BCL2L12: variants seen among roughly 807,000 people sequenced by gnomAD.
The protein encoded by BCL2L12 is BCL2 like 12.
Under a neutral mutation model 25.7 loss-of-function variants are expected in BCL2L12, and 27 were observed. The ratio of observed to expected loss-of-function variants is 1.05; its 90% CI spans 0.78 to 1.45. The LOEUF is 1.45. Among genes scored for constraint, BCL2L12 ranks in the 40% most tolerant of loss-of-function variants. The probability of loss-of-function intolerance (pLI) is 0.00; values close to 1 mark genes in which losing one functional copy is unlikely to be tolerated. For synonymous variants in BCL2L12, 132 were observed against 145.6 expected, an observed-to-expected ratio of 0.91 and a Z score of 0.67; for missense variants, 302 against 329.8, an observed-to-expected ratio of 0.92 and a Z score of 0.65.
upstream of BCL2L12, chr19:49,665,674 C>G (rs1221975449): frequency 3.6e-6 from 4 of 1,102,712 alleles, no homozygotes; most frequent in Admixed American, 2.6e-5. Flanking sequence ...GAACCCACCC[C>G]TGTCTTGGAG....
chr19:49,666,014 A>T lies in BCL2L12; in HGVS notation c.-62A>T, dbSNP rs1177111391. On this transcript the variant is annotated 5_prime_UTR_variant, in exon 1 of 7. Coordinates refer to ENST00000246784, the MANE Select transcript of BCL2L12 (RefSeq NM_138639.2). ...GAACTAATAAAGTTTGTACGAGTTC[A>T]GTGGAGGAGACCGCAAGTTGAGTGG... The T allele has an allele frequency of 2.5e-6, 4 of 1,583,818 alleles. No individual in the cohort carries two copies. Among genetic ancestry groups the T allele is most frequent in the Non-Finnish European group, 3.4e-6 (4 of 1,163,156 alleles).
Position 49,670,379 on chromosome 19 carries a change from T to A in BCL2L12, c.593T>A (p.Leu198Gln), listed in dbSNP as rs770672636. The A allele has an allele frequency of 6.3e-7, 1 of 1,577,234 alleles. No homozygotes were observed. The highest frequency in any genetic ancestry group is 1.1e-5 in the South Asian group (1 of 87,200). Residue 198 changes from leucine (L) to glutamine (Q), a missense_variant, in exon 6 of 7, where the codon CTA becomes CAA. By Grantham distance (113) the Leu-to-Gln change is moderately radical. Transcript: ENST00000246784. ...CCGGAGCCCCTGGCCCGCCTGGCCC[T>A]AGCCATGGAGCTGAGCCGGCGCGTG... ...PSPEPLARLA[L>Q]AMELSRRVAG...
At chr19:49,666,654 G>A (rs2081781961) in intron 1 of BCL2L12, 31 bp from the exon 2 acceptor site, 1 of 1,509,190 alleles carries the variant, frequency 6.6e-7, no homozygotes, top group East Asian at 2.5e-5. Context: ...CTAAACCCTT[G>A]GAGTCCAGTC....
intron 3 of BCL2L12, among the ~76,000 whole-genome samples, chr19:49,667,842 G>A (rs1487655078): frequency 6.6e-6 from 1 of 151,550 alleles, no homozygotes. Flanking sequence ...GTGCAGGGGT[G>A]CAATCTCGAC....
intron 3 of BCL2L12, among the ~76,000 whole-genome samples, chr19:49,668,129 C>T (rs1349252752): frequency 4.8e-5 from 7 of 147,068 alleles, no homozygotes; most frequent in African/African-American, 1.8e-4. Flanking sequence ...GAGTTTCGCC[C>T]TTGTTGCCCA....
upstream of BCL2L12, chr19:49,665,789 C>T (rs1248444332): frequency 3.2e-6 from 5 of 1,563,372 alleles, no homozygotes; most frequent in Non-Finnish European, 4.3e-6. Context: ...ATAAAACCAA[C>T]TTTATCATTC....
At chr19:49,665,763 T>C (rs2304204), upstream of BCL2L12, 426,582 of 1,539,912 alleles carry the variant, frequency 0.28, 66,402 homozygotes, top group African/African-American at 0.67. Context: ...GCTTTCTTTT[T>C]GATCGACTTC....
At chr19:49,666,214 C>T (rs1027693310) in intron 1 of BCL2L12, 147 bp downstream of exon 1, 4 of 1,172,104 alleles carry the variant, frequency 3.4e-6, no homozygotes, top group Non-Finnish European at 4.7e-6. Flanking sequence ...TGGAACTACA[C>T]CTCACAGCAG....
Position 49,673,891 on chromosome 19 carries a change from T to A in BCL2L12, c.*143T>A, listed in dbSNP as rs2082009669. 2.3e-6 allele frequency: 2 copies of A among 886,998 alleles called. No homozygotes were observed. The highest frequency in any genetic ancestry group is 5.3e-5 in the East Asian group (2 of 37,464). The allele number at this position is 886,998 out of a possible 1,614,324, so 54.9% of individuals were successfully genotyped here. A position where few individuals can be genotyped will look rare whatever the true frequency, so the allele number is the denominator to read the frequency against. ...TGCCAAAAATAAATTGTTTAAAACT[T>A]TTCTTATTAAAAACGTTACAAAGTA... On this transcript the variant is annotated 3_prime_UTR_variant, in exon 7 of 7. Transcript: ENST00000246784.
intron 6 of BCL2L12, 91 bp from the exon 7 acceptor site, chr19:49,673,607 C>T: frequency 9.0e-7 from 1 of 1,107,698 alleles, no homozygotes; most frequent in South Asian, 1.2e-5. Flanking sequence ...CCTCGCCTTC[C>T]CGTCTCTAAT....
At chr19:49,670,530 A>G (rs1474112276) in intron 6 of BCL2L12, 42 bp downstream of exon 6, 1 of 1,525,830 alleles carries the variant, frequency 6.6e-7, no homozygotes, top group Non-Finnish European at 8.8e-7. Flanking sequence ...CACTTTACCT[A>G]ACTGTCATGT....
chr19:49,670,579 A>C (rs1230259157), intron 6 of BCL2L12, 91 bp downstream of exon 6: 9 of 1,467,360 alleles, frequency 6.1e-6, no homozygotes, highest in Non-Finnish European at 8.1e-6. Flanking sequence ...TTCCTCTCAG[A>C]CCTCAGGTAT....
chr19:49,669,724 G>C (rs1442547112), intron 5 of BCL2L12, among the ~76,000 whole-genome samples: 2 of 151,902 alleles, frequency 1.3e-5, no homozygotes, highest in Non-Finnish European at 2.9e-5. Flanking sequence ...TGTGGGGGTG[G>C]GGGGAGTGGC....
upstream of BCL2L12, chr19:49,665,820 G>A: frequency 1.9e-6 from 3 of 1,587,250 alleles, no homozygotes; most frequent in Non-Finnish European, 1.7e-6. Context: ...AGACCCAAAA[G>A]CCGATGGGAC....
chr19:49,672,517 G>A lies in BCL2L12; in HGVS notation c.703-1181G>A, dbSNP rs1028996652. On this transcript the variant is annotated intron_variant, in intron 6 of 6. Coordinates refer to ENST00000246784, the MANE Select transcript of BCL2L12 (RefSeq NM_138639.2). This position sits in a 1 kb window ranked among gnomAD's most constrained non-coding sequence, Gnocchi z 4.1. ...TAGGCGCTAATGGGCGCCCTCTGGC[G>A]GCTGCCTGGGGACAGACTGCTGGGG... Among the ~76,000 whole-genome samples the A allele has an allele frequency of 6.6e-6, 1 of 152,216 alleles. No homozygotes were observed. The highest frequency in any genetic ancestry group is 1.5e-5 in the Non-Finnish European group (1 of 68,048).
upstream of BCL2L12, chr19:49,665,397 A>C: frequency 5.8e-6 from 1 of 172,148 alleles, no homozygotes; most frequent in Non-Finnish European, 1.3e-5. Flanking sequence ...TACGGAGTCC[A>C]CCCCTCCCTC....
intron 3 of BCL2L12, among the ~76,000 whole-genome samples, chr19:49,667,879 C>G (rs560066046): frequency 2.4e-4 from 37 of 152,078 alleles, no homozygotes; most frequent in Non-Finnish European, 4.4e-4. Context: ...CTCCTGGGTT[C>G]AAGCGATTCT....
intron 6 of BCL2L12, among the ~76,000 whole-genome samples, chr19:49,671,185 T>TGGTGCGG (rs1193222610): frequency 8.1e-6 from 1 of 123,280 alleles, no homozygotes; most frequent in Non-Finnish European, 1.7e-5. Context: ...AATAAAAACC[T>TGGTGCGG]GGTGCGGTGG....
chr19:49,668,419 C>G (rs1202013044), intron 3 of BCL2L12, among the ~76,000 whole-genome samples: 47 of 152,072 alleles, frequency 3.1e-4, no homozygotes, highest in Non-Finnish European at 1.5e-4. Flanking sequence ...CATTCTAAGT[C>G]CAGTCTGAGG....
Sources: allele counts gnomAD v4.1 joint callset (sites outside exome capture counted in the v4.1 genomes callset), GRCh38; gene constraint gnomAD v4.1.1; non-coding constraint Gnocchi (gnomAD v3.1); transcripts MANE v1.5; gene names NCBI Gene and HGNC (gene_info 2026-07-23, HGNC 2026-07-21).